Variants in SYK observed in about 807,000 individuals in gnomAD.
SYK encodes tyrosine-protein kinase SYK.
A neutral mutation model predicts 77.8 loss-of-function variants in SYK; 16 were observed. The ratio of observed to expected loss-of-function variants is 0.21; its 90% confidence interval spans 0.14 to 0.31. The LOEUF is 0.31. Ranked by LOEUF, SYK falls within the 10% of genes least tolerant of loss-of-function variation. The pLI is 1.00. For synonymous variants in SYK, 312 were observed against 308.7 expected, an observed-to-expected ratio of 1.01 and a Z score of -0.11; for missense variants, 529 against 814.4, an observed-to-expected ratio of 0.65 and a Z score of 4.26.
Position 90,862,353 on chromosome 9 carries a change from C to G in SYK, c.717+9C>G, listed in dbSNP as rs368091459. 1.9e-6 allele frequency: 3 copies of G among 1,612,086 alleles called. No individual in the cohort carries two copies. Among genetic ancestry groups the G allele is most frequent in the Admixed American group, 1.7e-5 (1 of 59,888 alleles). On this transcript the variant is annotated intron_variant, in intron 4 of 13. Transcript: ENST00000375754. The stretch of plus-strand genomic sequence containing the variant: ...TCGACACGCTCTGGCAGGTACCCAG[C>G]CTCCTCTCCCCACCTTGTGGGTAGA...
At chr9:90,874,914 T>A (rs1237053260) in intron 9 of SYK, 65 bp downstream of exon 9, 10 of 1,551,940 alleles carry the variant, frequency 6.4e-6, no homozygotes, top group Non-Finnish European at 8.8e-6. Context: ...TGACTGAGAA[T>A]AACAAAATGT....
intron 1 of SYK, among the ~76,000 whole-genome samples, chr9:90,830,169 G>A (rs540809332): frequency 2.6e-5 from 4 of 152,326 alleles, no homozygotes; most frequent in South Asian, 2.1e-4. Context: ...AGAGTCAACC[G>A]CTCAGCAGAA....
chr9:90,884,860 T>C (rs1422178211), intron 11 of SYK, among the ~76,000 whole-genome samples: 1 of 31,656 alleles, frequency 3.2e-5, no homozygotes, highest in East Asian at 1.5e-3. Flanking sequence ...CATATGTGTG[T>C]ATATACATAT....
intron 3 of SYK, among the ~76,000 whole-genome samples, chr9:90,850,430 C>G (rs970133615): frequency 6.6e-6 from 1 of 152,080 alleles, no homozygotes; most frequent in Non-Finnish European, 1.5e-5. Flanking sequence ...GCAGGAGAAT[C>G]TCTTGAACCC....
At chr9:90,890,541 C>T (rs1828747531) in intron 13 of SYK, among the ~76,000 whole-genome samples, 3 of 152,236 alleles carry the variant, frequency 2.0e-5, no homozygotes. Flanking sequence ...CAATGTCTTT[C>T]CCCTTGGTTC....
intron 3 of SYK, among the ~76,000 whole-genome samples, chr9:90,847,102 C>G (rs1301236293): frequency 6.6e-6 from 1 of 152,192 alleles, no homozygotes; most frequent in Admixed American, 6.5e-5. Flanking sequence ...GACTTTTGCT[C>G]TCTCCTTCCT....
At chr9:90,872,702 T>C (rs1024004325) in intron 7 of SYK, among the ~76,000 whole-genome samples, 13 of 152,260 alleles carry the variant, frequency 8.5e-5, no homozygotes, top group Non-Finnish European at 1.8e-4. Context: ...AGAGAGCTAA[T>C]TTTTAAAGCA....
intron 3 of SYK, among the ~76,000 whole-genome samples, chr9:90,855,682 GTGT>G (rs1827005145): frequency 2.6e-5 from 4 of 151,874 alleles, no homozygotes; most frequent in African/African-American, 7.3e-5. Flanking sequence ...GTGTGTGTGT[GTGT>G]GTGGGTGTGT....
intron 13 of SYK, among the ~76,000 whole-genome samples, chr9:90,894,554 C>T (rs1190312370): frequency 1.3e-5 from 2 of 152,172 alleles, no homozygotes; most frequent in East Asian, 1.9e-4. Context: ...TATGGCTGTT[C>T]TCTTGTGTCG....
intron 13 of SYK, among the ~76,000 whole-genome samples, chr9:90,890,578 C>T (rs984329846): frequency 8.5e-5 from 13 of 152,344 alleles, no homozygotes; most frequent in African/African-American, 3.1e-4. Flanking sequence ...TGCAGGGGTG[C>T]ATTTCAGTGA....
intron 3 of SYK, among the ~76,000 whole-genome samples, chr9:90,861,387 C>A (rs928349920): frequency 6.6e-6 from 1 of 152,230 alleles, no homozygotes; most frequent in African/African-American, 2.4e-5. Flanking sequence ...GCCAGCACAG[C>A]TCTGGTTTCA....
At chr9:90,817,608 T>C (rs1825333941) in intron 1 of SYK, among the ~76,000 whole-genome samples, 1 of 152,208 alleles carries the variant, frequency 6.6e-6, no homozygotes, top group South Asian at 2.1e-4. Context: ...ACCAAGTGAT[T>C]ATTCTGTTAA....
At chr9:90,859,500 T>A (rs185403637) in intron 3 of SYK, among the ~76,000 whole-genome samples, 2 of 152,372 alleles carry the variant, frequency 1.3e-5, no homozygotes, top group Admixed American at 1.3e-4. Context: ...TCCTACAATT[T>A]ACTTGCTCTG....
At chr9:90,868,192 A>G (rs1336829923) in intron 7 of SYK, among the ~76,000 whole-genome samples, 1 of 152,216 alleles carries the variant, frequency 6.6e-6, no homozygotes, top group African/African-American at 2.4e-5. Context: ...GCAGTGTTCG[A>G]GAGGAAGAAA....
chr9:90,857,352 T>C (rs1454055471), intron 3 of SYK, among the ~76,000 whole-genome samples: 1 of 152,258 alleles, frequency 6.6e-6, no homozygotes, highest in Non-Finnish European at 1.5e-5. Context: ...AGTTGTGGGC[T>C]GATGTCAATA....
intron 13 of SYK, among the ~76,000 whole-genome samples, chr9:90,890,758 A>C (rs372810422): frequency 6.6e-6 from 1 of 152,244 alleles, no homozygotes; most frequent in Non-Finnish European, 1.5e-5. Context: ...AGTGACCTCA[A>C]ACAGGGTTGG....
intron 3 of SYK, among the ~76,000 whole-genome samples, chr9:90,846,436 A>G (rs1313252409): frequency 1.3e-5 from 2 of 152,142 alleles, no homozygotes; most frequent in East Asian, 3.9e-4. Flanking sequence ...CTTTTCCTAG[A>G]TTTAGAAGCG....
intron 2 of SYK, among the ~76,000 whole-genome samples, chr9:90,844,556 G>A (rs139937468): frequency 6.6e-6 from 1 of 152,346 alleles, no homozygotes; most frequent in East Asian, 1.9e-4. Flanking sequence ...CCACAGCAGG[G>A]AACCACTGTT....
chr9:90,878,722 G>A, intron 10 of SYK, 42 bp from the exon 11 acceptor site: 1 of 1,540,246 alleles, frequency 6.5e-7, no homozygotes. Context: ...TGTGAAATGG[G>A]TCACTGTCTG....
Sources: gnomAD v4.1 joint callset for allele counts (sites outside exome capture counted in the v4.1 genomes callset) on GRCh38, gnomAD v4.1.1 for gene constraint, MANE v1.5 for transcripts, NCBI Gene and HGNC (gene_info 2026-07-23, HGNC 2026-07-21) for gene names.